Variants in RNF144B observed in about 807,000 individuals in gnomAD.
RNF144B encodes the protein E3 ubiquitin-protein ligase RNF144B.
RNF144B carries 25 observed loss-of-function variants against 40.2 expected under a neutral mutation model. The ratio of observed to expected loss-of-function variants is 0.62; its 90% CI spans 0.45 to 0.87. RNF144B has a LOEUF of 0.87. Ranked by LOEUF, RNF144B falls within the 40% of genes least tolerant of loss-of-function variation. RNF144B has a pLI of 0.00. For missense variants in RNF144B, 365 were observed against 373.7 expected (o/e 0.98, Z 0.19); for synonymous variants, 145 against 136.3 (o/e 1.06, Z -0.44).
rs2113544565 is a variant in RNF144B, at chr6:18,465,221, G to C, written c.*154G>C. 1 of 694,354 alleles carries C rather than the reference G, an allele frequency of 1.4e-6. No individual in the cohort carries two copies. The highest frequency in any genetic ancestry group is 1.9e-5 in the South Asian group (1 of 52,894). The allele number at this position is 694,354 out of a possible 1,614,324, so 43.0% of individuals were successfully genotyped here. A position where few individuals can be genotyped will look rare whatever the true frequency, so the allele number is the denominator to read the frequency against. On this transcript the variant is annotated 3_prime_UTR_variant, in exon 8 of 8. Coordinates refer to ENST00000259939, the MANE Select transcript of RNF144B (RefSeq NM_182757.4). ...CTTGCCTGCCAGCCTTCAGCATCAG[G>C]AAAGGCCAAGTCCTGGGTGTGAGTG...
Position 18,463,296 on chromosome 6 carries a change from C to T in RNF144B, c.687C>T (p.Asp229=), listed in dbSNP as rs1759507851. ...CWYCLQNLDN[D]IFLRHYDKGP... is the part of the protein sequence containing the mutation. ...TCAATCTTTTTATTTTTCAGAATGA[C>T]ATTTTCCTCAGACATTATGACAAAG... is the stretch of plus-strand genomic sequence containing the variant. The change falls in exon 7 of 8, where the codon GAC becomes GAT. Residue 229 remains aspartate (D), a synonymous_variant. Transcript: ENST00000259939. The T allele has an allele frequency of 1.3e-6, 2 of 1,590,120 alleles. No homozygotes were observed. Among genetic ancestry groups the T allele is most frequent in the South Asian group, 1.1e-5 (1 of 90,610 alleles).
chr6:18,408,307 T>C (rs1215060389), intron 2 of RNF144B, among the ~76,000 whole-genome samples: 3 of 152,164 alleles, frequency 2.0e-5, no homozygotes, highest in African/African-American at 7.2e-5. Flanking sequence ...AAAACCATGA[T>C]TTCTTTTTCT....
Position 18,457,704 on chromosome 6 carries a change from A to C in RNF144B, c.536+345A>C, listed in dbSNP as rs888163596. On this transcript the variant is annotated intron_variant, in intron 5 of 7. Coordinates refer to ENST00000259939, the MANE Select transcript of RNF144B (RefSeq NM_182757.4). The surrounding 1 kb of genome is among the most constrained non-coding windows in gnomAD (Gnocchi z 5.1). Reference sequence around the variant, plus strand: ...GTATCTGCCTGTATTGGTATATATCATTCTTGTTGCTTGCAAAATGAGAAA... The same window carrying C: ...GTATCTGCCTGTATTGGTATATATCCTTCTTGTTGCTTGCAAAATGAGAAA... 6.6e-6 allele frequency among the ~76,000 whole-genome samples: 1 copy of C among 152,148 alleles called. No individual in the cohort carries two copies. Among genetic ancestry groups the C allele is most frequent in the African/African-American group, 2.4e-5 (1 of 41,428 alleles).
chr6:18,420,158 A>ATTTT lies in RNF144B; in HGVS notation c.166-7416_166-7413dup, dbSNP rs10635749. On this transcript the variant is annotated intron_variant, in intron 2 of 7. Transcript: ENST00000259939. ...GGACCAGTAGTGTTTCGGGTTTCTG[A>ATTTT]TTTTTTTTTTGATTTTGGAATATTT... Among the ~76,000 whole-genome samples, 102 of 150,730 alleles carry ATTTT rather than the reference A, an allele frequency of 6.8e-4. 1 individual carries two copies. The highest frequency in any genetic ancestry group is 2.5e-3 in the East Asian group (13 of 5,106).
chr6:18,407,984 CT>C lies in RNF144B; in HGVS notation c.165+8302del, dbSNP rs370801682. 7.4e-3 allele frequency among the ~76,000 whole-genome samples: 990 copies of C among 133,488 alleles called. 11 individuals are homozygous for C. The highest frequency in any genetic ancestry group is 0.024 in the African/African-American group (849 of 35,940). 87.6% of individuals were successfully genotyped at this position (133,488 alleles called of 152,430 possible). On this transcript the variant is annotated intron_variant, in intron 2 of 7. Coordinates refer to ENST00000259939, the MANE Select transcript of RNF144B (RefSeq NM_182757.4). Reference sequence around the variant, plus strand: ...TTTTTCTTTTTCTTTCTTTCTTTTTCTTTTTTTTTTTTTTTTTCCAGACAGA... The same window carrying C: ...TTTTTCTTTTTCTTTCTTTCTTTTTCTTTTTTTTTTTTTTTTCCAGACAGA...
At chr6:18,429,627 G>A (rs12528727) in intron 3 of RNF144B, among the ~76,000 whole-genome samples, 18,284 of 152,198 alleles carry the variant, frequency 0.12, 1,319 homozygotes, top group Admixed American at 0.19. Context: ...ATTGACTTTT[G>A]TAGGGTAAAA....
chr6:18,427,357 T>A (rs1204300799), intron 2 of RNF144B, among the ~76,000 whole-genome samples: 3 of 152,206 alleles, frequency 2.0e-5, no homozygotes, highest in African/African-American at 7.2e-5. Flanking sequence ...GAAATCTGAC[T>A]TGAATAAACT....
Position 18,450,009 on chromosome 6 carries a change from T to C in RNF144B, c.332-7146T>C, listed in dbSNP as rs565095288. On this transcript the variant is annotated intron_variant, in intron 4 of 7. Coordinates refer to ENST00000259939, the MANE Select transcript of RNF144B (RefSeq NM_182757.4). This position sits in a 1 kb window ranked among gnomAD's most constrained non-coding sequence, Gnocchi z 4.7. ...TTGTGCTTTCAGACAGAGTTACCAA[T>C]TTCCCTTTTCTTATCCAAAAATGCC... 1.2e-4 allele frequency among the ~76,000 whole-genome samples: 18 copies of C among 152,314 alleles called. No homozygotes were observed. The East Asian group carries it at 3.3e-3, about 28-fold the overall frequency.
intron 3 of RNF144B, among the ~76,000 whole-genome samples, chr6:18,432,425 A>T (rs535342749): frequency 3.9e-5 from 6 of 152,212 alleles, no homozygotes; most frequent in African/African-American, 1.2e-4. Context: ...ACTTTCCTCT[A>T]TTGCATCATC....
At chr6:18,461,322 AC>A (rs1759449552) in intron 6 of RNF144B, among the ~76,000 whole-genome samples, 1 of 152,194 alleles carries the variant, frequency 6.6e-6, no homozygotes, top group South Asian at 2.1e-4. Flanking sequence ...GATATTTAAG[AC>A]CTAGCATGCA....
intron 4 of RNF144B, among the ~76,000 whole-genome samples, chr6:18,452,333 G>A (rs915890120): frequency 1.3e-5 from 2 of 152,154 alleles, no homozygotes; most frequent in African/African-American, 2.4e-5. Flanking sequence ...ACAAGATGCC[G>A]ATTCTGTGCT....
rs1247223862 is a variant in RNF144B at position 18,464,311 on chromosome 6, C to T, written c.772-616C>T. ...TTCAAGTAGAGAGAGAGCACCAATA[C>T]CAATAATTCATGACTATACTGAGCT... is the stretch of plus-strand genomic sequence containing the variant. On this transcript the variant is annotated intron_variant, in intron 7 of 7. Transcript: ENST00000259939. This position sits in a 1 kb window ranked among gnomAD's most constrained non-coding sequence, Gnocchi z 6.1. Among the ~76,000 whole-genome samples, 1 of 152,122 alleles carries T rather than the reference C, an allele frequency of 6.6e-6. No individual in the cohort carries two copies. Among genetic ancestry groups the T allele is most frequent in the Non-Finnish European group, 1.5e-5 (1 of 68,018 alleles).
chr6:18,449,243 C>T (rs962569043), intron 4 of RNF144B, among the ~76,000 whole-genome samples: 4 of 152,240 alleles, frequency 2.6e-5, no homozygotes, highest in African/African-American at 9.6e-5. Flanking sequence ...CAGATCAAAA[C>T]TATCTGTAGA....
chr6:18,409,946 T>C (rs1795001413), intron 2 of RNF144B, among the ~76,000 whole-genome samples: 1 of 152,230 alleles, frequency 6.6e-6, no homozygotes, highest in Non-Finnish European at 1.5e-5. Flanking sequence ...GGTGATGTTA[T>C]AATGTGGAAC....
rs142413511 is a variant in RNF144B at position 18,448,032 on chromosome 6, A to G, written c.331+8288A>G. Among the ~76,000 whole-genome samples, 5 of 152,300 alleles carry G rather than the reference A, an allele frequency of 3.3e-5. No homozygotes were observed. The East Asian group carries it at 9.7e-4, about 29-fold the overall frequency. The stretch of plus-strand genomic sequence containing the variant: ...ATAACAGAGGTCTTTGGTGATCTTG[A>G]CAAGTGGGTTTTAGTGGAATGACAG... On this transcript the variant is annotated intron_variant, in intron 4 of 7. Transcript: ENST00000259939. This position sits in a 1 kb window ranked among gnomAD's most constrained non-coding sequence, Gnocchi z 4.0.
At chr6:18,453,970 G>A (rs1424755673) in intron 4 of RNF144B, among the ~76,000 whole-genome samples, 1 of 152,214 alleles carries the variant, frequency 6.6e-6, no homozygotes, top group Admixed American at 6.5e-5. Context: ...TCCAGAGGTA[G>A]GCTGTCATGG....
Position 18,403,511 on chromosome 6 carries a change from A to G in RNF144B, c.165+3812A>G, listed in dbSNP as rs999864905. Among the ~76,000 whole-genome samples the G allele has an allele frequency of 2.0e-5, 3 of 152,210 alleles. No individual in the cohort carries two copies. In the South Asian group the frequency reaches 6.2e-4, roughly 31 times the overall value. On this transcript the variant is annotated intron_variant, in intron 2 of 7. Coordinates refer to ENST00000259939, the MANE Select transcript of RNF144B (RefSeq NM_182757.4). ...TTTTCCATTACGTTCTATTGGCTCT[A>G]GGTAGTTAGAACTCCTTTTACTATT...
At chr6:18,388,250 G>C (rs919301551) in intron 1 of RNF144B, among the ~76,000 whole-genome samples, 2 of 152,100 alleles carry the variant, frequency 1.3e-5, no homozygotes, top group African/African-American at 4.8e-5. Flanking sequence ...CAGACTGTCA[G>C]TTTCATATTG....
chr6:18,394,761 C>T (rs6934547), intron 1 of RNF144B, among the ~76,000 whole-genome samples: 7,180 of 152,156 alleles, frequency 0.047, 302 homozygotes, highest in African/African-American at 0.11. Context: ...AATGACAAGA[C>T]ACGAGGGGAA....
Sources: allele counts gnomAD v4.1 joint callset (sites outside exome capture counted in the v4.1 genomes callset), GRCh38; gene constraint gnomAD v4.1.1; non-coding constraint Gnocchi (gnomAD v3.1); transcripts MANE v1.5; gene names NCBI Gene and HGNC (gene_info 2026-07-23, HGNC 2026-07-21).